The following TENM3 variants were observed in gnomAD, a reference collection of about 807,000 sequenced individuals.
TENM3 encodes teneurin transmembrane protein 3, also known as teneurin-3.
In TENM3, 63 loss-of-function variants were observed where a neutral mutation model predicts 255.1. The observed-to-expected ratio is 0.25, with a 90% CI of 0.20 to 0.30. The LOEUF (loss-of-function observed/expected upper bound fraction) is 0.30, where lower values mean the gene tolerates loss of function less well. Ranked by LOEUF, TENM3 falls within the 10% of genes least tolerant of loss-of-function variation. TENM3 has a pLI of 1.00. For synonymous variants in TENM3, 1,306 were observed against 1,322.3 expected, an observed-to-expected ratio of 0.99 and a Z score of 0.27; for missense variants, 2,929 against 3,461.1, an observed-to-expected ratio of 0.85 and a Z score of 3.86.
chr4:182,600,969 C>T lies in TENM3; in HGVS notation c.557C>T (p.Pro186Leu), dbSNP rs777682156. 3.7e-6 allele frequency: 6 copies of T among 1,609,428 alleles called. No homozygotes were observed. The highest frequency in any genetic ancestry group is 1.7e-5 in the Admixed American group (1 of 59,446). Residue 186 changes from proline (P) to leucine (L), a missense_variant, in exon 4 of 28, where the codon CCG (proline) becomes CTG (leucine). Physicochemically the swap from Pro to Leu is moderately conservative, Grantham distance 98. Around this residue, in one of 6 missense-constraint regions of TENM3, gnomAD observed 283 missense variants for 256.9 expected, o/e 1.10. Transcript: ENST00000511685. Reference sequence around the variant, plus strand: ...GGCCAGTCTACCCTGCAGCCCTTGCCGCCTTCCCATAAGCAGCACTCTGCA... The same window carrying T: ...GGCCAGTCTACCCTGCAGCCCTTGCTGCCTTCCCATAAGCAGCACTCTGCA... ...NQGQSTLQPL[P>L]PSHKQHSAQH...
In TENM3 at chr4:182,679,858, T is replaced by A; in HGVS notation, c.1519T>A (p.Phe507Ile). Residue 507 changes from phenylalanine (F) to isoleucine (I), a missense_variant, in exon 8 of 28, where the codon TTT becomes ATT. This residue lies in a region of TENM3 where 1,608 missense variants were observed against 1,884.4 expected (regional missense o/e 0.85). Coordinates refer to ENST00000511685, the MANE Select transcript of TENM3 (RefSeq NM_001080477.4). ...NDGKNAEQVS[F>I]NTIVIESVVE... Reference sequence around the variant, plus strand: ...TGGGAAAAATGCAGAGCAGGTGTCTTTTAATACCATTGTTATAGGTAAGAA... The same window carrying A: ...TGGGAAAAATGCAGAGCAGGTGTCTATTAATACCATTGTTATAGGTAAGAA... 6.2e-7 allele frequency: 1 copy of A among 1,610,770 alleles called. No individual in the cohort carries two copies. The highest frequency in any genetic ancestry group is 8.5e-7 in the Non-Finnish European group (1 of 1,178,208).
chr4:182,100,794 TAC>T, the TENM3 span, among the ~76,000 whole-genome samples: 4 of 6,424 alleles, frequency 6.2e-4, no homozygotes, highest in Non-Finnish European at 1.3e-3. Context: ...CACATATATA[TAC>T]ACATATATAT....
the TENM3 span, among the ~76,000 whole-genome samples, chr4:182,032,182 G>A: frequency 7.2e-5 from 11 of 152,196 alleles, no homozygotes; most frequent in Non-Finnish European, 1.3e-4. Flanking sequence ...GATGTTGGCT[G>A]TGGGTTTGTC....
the TENM3 span, among the ~76,000 whole-genome samples, chr4:181,556,862 C>T: frequency 6.6e-6 from 1 of 152,128 alleles, no homozygotes; most frequent in Non-Finnish European, 1.5e-5. Context: ...ATCTCAAGTG[C>T]ATAGTATACC....
rs529637466 is a variant in TENM3 at position 182,176,821 on chromosome 4, A to ATTT, written c.-76+32091_-76+32093dup. ...GGACTACTAAATTAGCATCCGGCTA[A>ATTT]TTTTTTTTTTTTTTTTTTTTTTTTT... On this transcript the variant is annotated intron_variant, in intron 1 of 2. Coordinates refer to the TENM3 transcript ENST00000512480. Among the ~76,000 whole-genome samples the ATTT allele has an allele frequency of 6.5e-3, 741 of 113,250 alleles. 6 individuals carry two copies. The highest frequency in any genetic ancestry group is 9.8e-3 in the Non-Finnish European group (552 of 56,144). The allele number at this position is 113,250 out of a possible 152,430, so 74.3% of individuals were successfully genotyped here.
intron 1 of TENM3, among the ~76,000 whole-genome samples, chr4:182,255,489 AT>A (rs1271717478): frequency 1.3e-5 from 2 of 152,182 alleles, no homozygotes; most frequent in Non-Finnish European, 2.9e-5. Flanking sequence ...GGATTATGGT[AT>A]ATTATGCTTT....
the TENM3 span, among the ~76,000 whole-genome samples, chr4:181,679,142 A>T: frequency 6.6e-6 from 1 of 152,202 alleles, no homozygotes; most frequent in East Asian, 1.9e-4. Context: ...GGGTACTTCA[A>T]CCATTCATCT....
chr4:182,686,746 C>G (rs1286261324), intron 11 of TENM3, among the ~76,000 whole-genome samples: 3 of 152,050 alleles, frequency 2.0e-5, no homozygotes, highest in Admixed American at 6.5e-5. Context: ...GCACCTTGCT[C>G]AAAGCTAGTG....
chr4:181,719,208 G>C, the TENM3 span, among the ~76,000 whole-genome samples: 7 of 139,376 alleles, frequency 5.0e-5, no homozygotes, highest in Admixed American at 5.0e-4. Context: ...GCGAGACTCC[G>C]TCTCAAAAAA....
chr4:182,209,894 G>A lies in TENM3; in HGVS notation c.-76+65140G>A, dbSNP rs565570317. On this transcript the variant is annotated intron_variant, in intron 1 of 2. Transcript: ENST00000512480. ...CCTAGGTGAGTGAAGTCATCTGCAG[G>A]GGGAGGTGGGGTAGAATTAACTCAT... is the stretch of plus-strand genomic sequence containing the variant. 2.6e-5 allele frequency among the ~76,000 whole-genome samples: 4 copies of A among 152,098 alleles called. No individual in the cohort carries two copies. The East Asian group carries it at 7.8e-4, about 30-fold the overall frequency.
the TENM3 span, among the ~76,000 whole-genome samples, chr4:181,449,772 G>A: frequency 1.3e-5 from 2 of 152,158 alleles, no homozygotes; most frequent in Non-Finnish European, 2.9e-5. Flanking sequence ...GGGCACGACA[G>A]AGTGAGACTC....
the TENM3 span, among the ~76,000 whole-genome samples, chr4:181,533,202 A>G: frequency 6.6e-6 from 1 of 152,150 alleles, no homozygotes; most frequent in African/African-American, 2.4e-5. Flanking sequence ...GAGGAAATAA[A>G]TGTAACCCTT....
the TENM3 span, among the ~76,000 whole-genome samples, chr4:182,135,038 T>G: frequency 1.3e-5 from 2 of 151,524 alleles, no homozygotes; most frequent in African/African-American, 4.9e-5. Flanking sequence ...AAACCCCATC[T>G]CTACTAAAAA....
chr4:181,831,172 A>G, the TENM3 span, among the ~76,000 whole-genome samples: 2 of 152,136 alleles, frequency 1.3e-5, no homozygotes, highest in Admixed American at 1.3e-4. Flanking sequence ...CTTACAGATA[A>G]TTCTTTAATT....
At chr4:182,496,023 C>T (rs1408025016) in intron 3 of TENM3, among the ~76,000 whole-genome samples, 1 of 152,110 alleles carries the variant, frequency 6.6e-6, no homozygotes, top group East Asian at 1.9e-4. Flanking sequence ...ATAAAGACAG[C>T]CTGTAATGAG....
At chr4:182,363,050 AG>A (rs1309704440) in intron 3 of TENM3, among the ~76,000 whole-genome samples, 2 of 152,210 alleles carry the variant, frequency 1.3e-5, no homozygotes, top group Non-Finnish European at 2.9e-5. Flanking sequence ...GATGGAACTG[AG>A]CGACCATGTC....
intron 3 of TENM3, among the ~76,000 whole-genome samples, chr4:182,446,934 C>A (rs528585478): frequency 1.3e-5 from 2 of 151,012 alleles, no homozygotes; most frequent in African/African-American, 4.8e-5. Context: ...GTGAAATGAT[C>A]CTTTTCAAAA....
chr4:181,896,258 A>T, the TENM3 span, among the ~76,000 whole-genome samples: 1 of 151,366 alleles, frequency 6.6e-6, no homozygotes, highest in Non-Finnish European at 1.5e-5. Flanking sequence ...TTTGTTCAAG[A>T]TTTTTTTTTC....
At chr4:181,509,663 G>A in the TENM3 span, among the ~76,000 whole-genome samples, 155 of 152,254 alleles carry the variant, frequency 1.0e-3, 2 homozygotes, top group African/African-American at 3.6e-3. Flanking sequence ...CAGCTGCCTC[G>A]CCCTAAGTGG....
Sources: allele counts gnomAD v4.1 joint callset (sites outside exome capture counted in the v4.1 genomes callset), GRCh38; gene constraint gnomAD v4.1.1; regional missense constraint gnomAD v4.1.1; transcripts MANE v1.5; gene names NCBI Gene and HGNC (gene_info 2026-07-23, HGNC 2026-07-21).